IL1RAPL1: variants seen among roughly 807,000 people sequenced by gnomAD.
IL1RAPL1 encodes interleukin-1 receptor accessory protein-like 1.
A neutral mutation model predicts 48.4 loss-of-function variants in IL1RAPL1; 3 were observed. That is an observed-to-expected ratio of 0.06 (90% CI 0.03 to 0.16). The LOEUF (loss-of-function observed/expected upper bound fraction) is 0.16, where lower values mean the gene tolerates loss of function less well. IL1RAPL1 is among the 10% of genes least tolerant of loss of function. The pLI is 1.00. For missense variants in IL1RAPL1, 349 were observed against 530.6 expected (o/e 0.66, Z 3.36); for synonymous variants, 185 against 187.7 (o/e 0.99, Z 0.12).
At chrX:29,367,427 A>C (rs766526283) in intron 3 of IL1RAPL1, among the ~76,000 whole-genome samples, 43 of 111,594 alleles carry the variant, frequency 3.9e-4, no homozygotes, top group Non-Finnish European at 6.6e-4. Context: ...TAAGAGTCAT[A>C]TATCCAAATC....
intron 5 of IL1RAPL1, among the ~76,000 whole-genome samples, chrX:29,500,889 C>G (rs1055333284): frequency 9.0e-5 from 10 of 110,882 alleles, no homozygotes; most frequent in African/African-American, 3.3e-4. Flanking sequence ...TTTGAGAACC[C>G]TCCATACAGT....
chrX:29,646,551 C>T (rs1156858993), intron 5 of IL1RAPL1, among the ~76,000 whole-genome samples: 6 of 110,790 alleles, frequency 5.4e-5, no homozygotes, highest in Non-Finnish European at 1.1e-4. Flanking sequence ...GAAAGAAAAG[C>T]AGAAAACTGT....
chrX:29,675,884 C>T (rs978736467), intron 6 of IL1RAPL1, among the ~76,000 whole-genome samples: 48 of 112,396 alleles, frequency 4.3e-4, no homozygotes, highest in African/African-American at 1.4e-3. Flanking sequence ...CCACCACACC[C>T]GGTTAAACCT....
intron 2 of IL1RAPL1, among the ~76,000 whole-genome samples, chrX:28,831,024 C>CTGTGTGTGTG (rs150869644): frequency 2.0e-4 from 12 of 59,237 alleles, no homozygotes; most frequent in African/African-American, 8.6e-4. Flanking sequence ...CTCTCTCTCT[C>CTGTGTGTGTG]TCTGTGTGTG....
chrX:28,728,530 A>G (rs181733927), intron 1 of IL1RAPL1, among the ~76,000 whole-genome samples: 1 of 111,760 alleles, frequency 8.9e-6, no homozygotes, highest in African/African-American at 3.2e-5. Flanking sequence ...TTAGGAGGAA[A>G]GATCGTTCTA....
At chrX:29,358,530 A>G (rs773877396) in intron 3 of IL1RAPL1, among the ~76,000 whole-genome samples, 2 of 110,117 alleles carry the variant, frequency 1.8e-5, no homozygotes, top group Non-Finnish European at 3.8e-5. Flanking sequence ...ACATAAATAC[A>G]TATGTGTTAT....
At chrX:29,340,547 T>A in intron 3 of IL1RAPL1, among the ~76,000 whole-genome samples, 1 of 112,057 alleles carries the variant, frequency 8.9e-6, no homozygotes, top group Non-Finnish European at 1.9e-5. Context: ...AAAGCCTAAT[T>A]TTTTTTGGAA....
intron 6 of IL1RAPL1, among the ~76,000 whole-genome samples, chrX:29,745,557 C>T (rs187726997): frequency 3.1e-4 from 30 of 98,207 alleles, no homozygotes; most frequent in Middle Eastern, 5.8e-3. Context: ...AGCAATTCTT[C>T]GGTCCCAGCC....
chrX:29,919,265 G>A (rs1932827770), intron 7 of IL1RAPL1, among the ~76,000 whole-genome samples: 1 of 111,524 alleles, frequency 9.0e-6, no homozygotes, highest in South Asian at 3.8e-4. Flanking sequence ...AATAAATGAA[G>A]GACAATTAAC....
intron 2 of IL1RAPL1, among the ~76,000 whole-genome samples, chrX:28,991,435 A>G (rs186351354): frequency 2.7e-5 from 3 of 111,675 alleles, no homozygotes; most frequent in Non-Finnish European, 5.6e-5. Flanking sequence ...ATCTGACCTT[A>G]TATTTTATAA....
chrX:29,597,173 G>A (rs1923578434), intron 5 of IL1RAPL1, among the ~76,000 whole-genome samples: 1 of 71,336 alleles, frequency 1.4e-5, no homozygotes, highest in African/African-American at 6.0e-5. Context: ...TTTTTTTTGA[G>A]ACTGAGTTTT....
At chrX:28,915,294 C>T (rs370939273) in intron 2 of IL1RAPL1, among the ~76,000 whole-genome samples, 2 of 111,052 alleles carry the variant, frequency 1.8e-5, no homozygotes, top group Non-Finnish European at 1.9e-5. Context: ...GCCTGGGGGT[C>T]GGGGAACCCT....
chrX:29,864,909 T>A (rs770825307), intron 6 of IL1RAPL1, among the ~76,000 whole-genome samples: 21 of 111,866 alleles, frequency 1.9e-4, no homozygotes, highest in Non-Finnish European at 3.6e-4. Context: ...AGGTTAACCC[T>A]CTGCCACTTC....
chrX:28,635,739 T>C (rs913351606), intron 1 of IL1RAPL1, among the ~76,000 whole-genome samples: 10 of 112,051 alleles, frequency 8.9e-5, no homozygotes, highest in African/African-American at 3.2e-4. Flanking sequence ...TAAACATGGT[T>C]GGAGTTTGCG....
chrX:28,653,212 T>C (rs1269290891), intron 1 of IL1RAPL1, among the ~76,000 whole-genome samples: 1 of 111,798 alleles, frequency 8.9e-6, no homozygotes, highest in African/African-American at 3.3e-5. Context: ...TGGTGGCTCA[T>C]GCCTGTAATC....
intron 6 of IL1RAPL1, among the ~76,000 whole-genome samples, chrX:29,725,127 C>T (rs1449242303): frequency 1.8e-5 from 2 of 111,063 alleles, no homozygotes; most frequent in Non-Finnish European, 3.8e-5. Flanking sequence ...AAAAGTTACT[C>T]CTTTATTTAA....
intron 2 of IL1RAPL1, among the ~76,000 whole-genome samples, chrX:28,957,814 C>T (rs2147359814): frequency 9.2e-6 from 1 of 109,152 alleles, no homozygotes; most frequent in African/African-American, 3.3e-5. Flanking sequence ...TAAAAATTAG[C>T]TGGGTGTGGT....
At chrX:29,505,975 A>G (rs748214210) in intron 5 of IL1RAPL1, among the ~76,000 whole-genome samples, 16 of 112,002 alleles carry the variant, frequency 1.4e-4, no homozygotes, top group Non-Finnish European at 2.6e-4. Context: ...CTTCAAGCTC[A>G]CTGATTCTTT....
intron 2 of IL1RAPL1, among the ~76,000 whole-genome samples, chrX:28,855,772 G>A (rs1368419158): frequency 9.0e-6 from 1 of 111,187 alleles, no homozygotes; most frequent in Non-Finnish European, 1.9e-5. Flanking sequence ...GACTTTGTCT[G>A]GAGAGCCCTT....
Sources: allele counts gnomAD v4.1 joint callset (sites outside exome capture counted in the v4.1 genomes callset), GRCh38; gene constraint gnomAD v4.1.1; transcripts MANE v1.5; gene names NCBI Gene and HGNC (gene_info 2026-07-23, HGNC 2026-07-21).